Variants in TOGARAM2 observed in about 807,000 individuals in gnomAD.
The protein encoded by TOGARAM2 is TOG array regulator of axonemal microtubules 2, also known as TOG array regulator of axonemal microtubules protein 2.
A neutral mutation model predicts 93.3 loss-of-function variants in TOGARAM2; 85 were observed. The ratio of observed to expected loss-of-function variants is 0.91; its 90% CI spans 0.76 to 1.09. The LOEUF is 1.09. TOGARAM2 is among the 50% of genes least tolerant of loss of function. TOGARAM2 has a pLI of 0.00. For missense variants in TOGARAM2, 1,277 were observed against 1,334.5 expected, an observed-to-expected ratio of 0.96 and a Z score of 0.67; for synonymous variants, 593 against 552.8, an observed-to-expected ratio of 1.07 and a Z score of -1.02.
upstream of TOGARAM2, among the ~76,000 whole-genome samples, chr2:28,977,715 T>A (rs1365750305): frequency 9.9e-5 from 15 of 152,216 alleles, no homozygotes; most frequent in African/African-American, 3.4e-4. Flanking sequence ...AGTCTAGGTC[T>A]GTGTGGCTGG....
At chr2:28,972,520 C>T (rs1309116783) in intron 1 of TOGARAM2, 2 of 152,206 alleles carry the variant, frequency 1.3e-5, no homozygotes, top group Admixed American at 6.5e-5. Flanking sequence ...TCAGACGCAG[C>T]CTCAGCATTA....
chr2:28,997,016 G>A (rs1401166783), intron 2 of TOGARAM2, among the ~76,000 whole-genome samples: 2 of 152,092 alleles, frequency 1.3e-5, no homozygotes, highest in Non-Finnish European at 2.9e-5. Flanking sequence ...ACATGAGAGT[G>A]CAGATAGCTC....
rs760125956 is a variant in TOGARAM2 at position 28,999,225 on chromosome 2, C to A, written c.184C>A (p.Pro62Thr). Residue 62 changes from proline to threonine, a missense_variant, in exon 4 of 20, where the codon CCG becomes ACG. Pro to Thr is a conservative substitution (Grantham distance 38). Transcript: ENST00000379558. Reference protein sequence around the residue: ...EPRALLNNEEPSQLLRGLGQL... With the variant: ...EPRALLNNEETSQLLRGLGQL... ...AAGAGCCCTGCTGAACAACGAGGAA[C>A]CGTCACAGCTCCTGCGTGGACTCGG... 3.6e-5 allele frequency: 58 copies of A among 1,613,722 alleles called. No homozygotes were observed. Among genetic ancestry groups the A allele is most frequent in the Non-Finnish European group, 4.6e-5 (54 of 1,179,826 alleles).
At chr2:29,039,815 G>T (rs1197210724) in intron 18 of TOGARAM2, among the ~76,000 whole-genome samples, 3 of 152,202 alleles carry the variant, frequency 2.0e-5, no homozygotes, top group Admixed American at 1.3e-4. Flanking sequence ...AGTAGAACTG[G>T]TTGGCTCTGT....
intron 14 of TOGARAM2, 130 bp from the exon 15 acceptor site, chr2:29,032,804 G>A: frequency 1.5e-6 from 1 of 672,772 alleles, no homozygotes. Context: ...TAACTGGGTA[G>A]GGATTGCTTT....
chr2:29,052,099 G>T lies in TOGARAM2; in HGVS notation c.*6G>T. 6.5e-7 allele frequency: 1 copy of T among 1,544,010 alleles called. No homozygotes were observed. Among genetic ancestry groups the T allele is most frequent in the East Asian group, 2.3e-5 (1 of 43,556 alleles). ...ACCCTTTTCAGCTGGATTAAAGATGGATCTGAAATGGGCAATTATTATTTA... is the reference window on the plus strand; with the variant it reads ...ACCCTTTTCAGCTGGATTAAAGATGTATCTGAAATGGGCAATTATTATTTA... On this transcript the variant is annotated 3_prime_UTR_variant, in exon 20 of 20. Transcript: ENST00000379558.
chr2:29,003,378 G>C (rs975300604), intron 5 of TOGARAM2, 114 bp from the exon 6 acceptor site: 77 of 857,246 alleles, frequency 9.0e-5, no homozygotes, highest in Non-Finnish European at 1.1e-4. Context: ...GGGGTCCCAG[G>C]GTGGTGTGGC....
At chr2:29,029,019 C>G (rs1465032211) in intron 14 of TOGARAM2, among the ~76,000 whole-genome samples, 1 of 152,172 alleles carries the variant, frequency 6.6e-6, no homozygotes, top group Non-Finnish European at 1.5e-5. Context: ...GGAATGCAAA[C>G]TAGCACAGCC....
intron 6 of TOGARAM2, among the ~76,000 whole-genome samples, chr2:29,010,425 C>T (rs922365825): frequency 7.9e-5 from 12 of 152,088 alleles, no homozygotes; most frequent in Admixed American, 1.3e-4. Flanking sequence ...TGGCGAATCC[C>T]GGCTGATCTA....
At chr2:28,990,553 C>T (rs1672670708) in intron 1 of TOGARAM2, among the ~76,000 whole-genome samples, 3 of 152,222 alleles carry the variant, frequency 2.0e-5, no homozygotes, top group Admixed American at 6.5e-5. Flanking sequence ...GCCTCCTCGG[C>T]CTGGAATGCC....
At chr2:28,979,759 CTA>C (rs1672107266), upstream of TOGARAM2, among the ~76,000 whole-genome samples, 2 of 152,182 alleles carry the variant, frequency 1.3e-5, no homozygotes, top group Non-Finnish European at 2.9e-5. Flanking sequence ...AGCCATGGTG[CTA>C]AGTCTGGCCC....
At chr2:29,004,098 C>T (rs1673478314) in intron 6 of TOGARAM2, among the ~76,000 whole-genome samples, 1 of 152,152 alleles carries the variant, frequency 6.6e-6, no homozygotes, top group African/African-American at 2.4e-5. Context: ...CGGGTTCAAG[C>T]GATTCTCCTG....
chr2:29,045,437 C>CCCCCAAAACAGGG, intron 19 of TOGARAM2, 27 bp downstream of exon 19: 1 of 1,589,522 alleles, frequency 6.3e-7, no homozygotes, highest in Non-Finnish European at 8.6e-7. Flanking sequence ...CCACCCCACC[C>CCCCCAAAACAGGG]CATCTCCTGG....
At chr2:28,967,949 G>A (rs564128137) in intron 1 of TOGARAM2, among the ~76,000 whole-genome samples, 80 of 152,084 alleles carry the variant, frequency 5.3e-4, no homozygotes, top group Admixed American at 3.8e-3. Context: ...CTCCCGGGTA[G>A]CTGGGATTAA....
Position 29,052,010 on chromosome 2 carries a change from G to A in TOGARAM2, c.2977G>A (p.Gly993Arg). The A allele has an allele frequency of 6.2e-7, 1 of 1,612,958 alleles. No homozygotes were observed. The highest frequency in any genetic ancestry group is 8.5e-7 in the Non-Finnish European group (1 of 1,179,586). The change falls in exon 20 of 20, where the codon GGA (glycine) becomes AGA (arginine). Residue 993 changes from glycine (G) to arginine (R), a missense_variant. Coordinates refer to ENST00000379558, the MANE Select transcript of TOGARAM2 (RefSeq NM_199280.4). ...GGAACTCTTAGACTCAGAGTCCTTGGGAGGCAGCCGCAAGGCCACTGACAG... is the reference window on the plus strand; with the variant it reads ...GGAACTCTTAGACTCAGAGTCCTTGAGAGGCAGCCGCAAGGCCACTGACAG... The part of the protein sequence containing the change: ...LQELLDSESL[G>R]GSRKATDRGV...
At chr2:28,978,538 C>A (rs1672068769), upstream of TOGARAM2, among the ~76,000 whole-genome samples, 1 of 152,108 alleles carries the variant, frequency 6.6e-6, no homozygotes, top group Non-Finnish European at 1.5e-5. Context: ...GGAACAGGAT[C>A]AGAATTTAGT....
At chr2:29,050,682 C>T (rs958441326) in intron 19 of TOGARAM2, 1 of 152,206 alleles carries the variant, frequency 6.6e-6, no homozygotes, top group Non-Finnish European at 1.5e-5. Flanking sequence ...TAAAGCGCTG[C>T]TGTTAGTGTT....
At chr2:29,005,700 C>T (rs11691611) in intron 6 of TOGARAM2, among the ~76,000 whole-genome samples, 23,177 of 34,786 alleles carry the variant, frequency 0.67, 8,313 homozygotes, top group East Asian at 0.77. Flanking sequence ...GTGTGGAGTG[C>T]GTGCATGTGT....
intron 18 of TOGARAM2, among the ~76,000 whole-genome samples, chr2:29,041,025 CT>C (rs59787454): frequency 0.25 from 33,592 of 136,854 alleles, 4,463 homozygotes; most frequent in Admixed American, 0.35. Flanking sequence ...TCTTGAGTCA[CT>C]TTTTTTTTTT....
Sources: gnomAD v4.1 joint callset for allele counts (sites outside exome capture counted in the v4.1 genomes callset) on GRCh38, gnomAD v4.1.1 for gene constraint, MANE v1.5 for transcripts, NCBI Gene and HGNC (gene_info 2026-07-23, HGNC 2026-07-21) for gene names.